Variants in ZNF385B observed in about 807,000 individuals in gnomAD.
The protein encoded by ZNF385B is zinc finger protein 533.
A neutral mutation model predicts 39.2 loss-of-function variants in ZNF385B; 23 were observed. The observed-to-expected ratio is 0.59, with a 90% CI of 0.42 to 0.83. The LOEUF (loss-of-function observed/expected upper bound fraction) is 0.83. ZNF385B is among the 40% of genes least tolerant of loss of function. The pLI, the probability that ZNF385B is intolerant of heterozygous loss-of-function variation, is 0.00. For synonymous variants in ZNF385B, 205 were observed against 222.6 expected (o/e 0.92, Z 0.70); for missense variants, 552 against 598.9 (o/e 0.92, Z 0.82).
intron 6 of ZNF385B, among the ~76,000 whole-genome samples, chr2:179,465,940 T>C (rs1013668288): frequency 3.9e-5 from 6 of 152,170 alleles, no homozygotes; most frequent in African/African-American, 9.7e-5. Context: ...AGGTGAGCAA[T>C]ACGTTTGCTG....
chr2:179,825,976 G>A (rs1027538353), intron 1 of ZNF385B, among the ~76,000 whole-genome samples: 3 of 152,006 alleles, frequency 2.0e-5, no homozygotes, highest in Non-Finnish European at 4.4e-5. Context: ...TCCTCAGCTC[G>A]GCAGCTTTAT....
At chr2:179,604,830 T>C (rs1387244592) in intron 3 of ZNF385B, among the ~76,000 whole-genome samples, 1 of 152,132 alleles carries the variant, frequency 6.6e-6, no homozygotes, top group Non-Finnish European at 1.5e-5. Flanking sequence ...CATTTACAAT[T>C]GTGAAATGTC....
intron 1 of ZNF385B, among the ~76,000 whole-genome samples, chr2:179,845,281 T>C (rs1386751723): frequency 1.3e-5 from 2 of 152,080 alleles, no homozygotes; most frequent in Non-Finnish European, 1.5e-5. Flanking sequence ...CTGGGTGCAA[T>C]ACAATAAATT....
chr2:179,654,606 T>C (rs1693547434), intron 3 of ZNF385B, among the ~76,000 whole-genome samples: 1 of 152,232 alleles, frequency 6.6e-6, no homozygotes, highest in South Asian at 2.1e-4. Flanking sequence ...CATGATACTT[T>C]AGTTCCAAGT....
At chr2:179,502,341 G>T (rs942125462) in intron 5 of ZNF385B, among the ~76,000 whole-genome samples, 1 of 152,154 alleles carries the variant, frequency 6.6e-6, no homozygotes, top group Non-Finnish European at 1.5e-5. Flanking sequence ...GCAGAGGCCA[G>T]GGGAGGAATA....
At chr2:179,619,563 A>T (rs1375167143) in intron 3 of ZNF385B, among the ~76,000 whole-genome samples, 2 of 152,228 alleles carry the variant, frequency 1.3e-5, no homozygotes, top group East Asian at 3.9e-4. Flanking sequence ...TGAAAAAGAA[A>T]CAGTGATACT....
chr2:179,692,410 C>T (rs1407888037), intron 3 of ZNF385B, among the ~76,000 whole-genome samples: 1 of 152,180 alleles, frequency 6.6e-6, no homozygotes. Flanking sequence ...CTCCTCCATT[C>T]TCTACGTGGA....
At chr2:179,592,346 C>T (rs967040302) in intron 3 of ZNF385B, among the ~76,000 whole-genome samples, 5 of 152,188 alleles carry the variant, frequency 3.3e-5, no homozygotes, top group African/African-American at 1.2e-4. Flanking sequence ...AAGTATAGCA[C>T]TGACCACTGT....
chr2:179,562,376 G>T, intron 3 of ZNF385B: 1 of 984,736 alleles, frequency 1.0e-6, no homozygotes, highest in Non-Finnish European at 1.2e-6. Context: ...AGATGTAAAT[G>T]TGGGTCAGTT....
At chr2:179,843,000 C>T (rs951365102) in intron 1 of ZNF385B, among the ~76,000 whole-genome samples, 5 of 152,054 alleles carry the variant, frequency 3.3e-5, no homozygotes, top group African/African-American at 4.8e-5. Flanking sequence ...TAGGTGTCAC[C>T]GCCCCCACCC....
intron 3 of ZNF385B, among the ~76,000 whole-genome samples, chr2:179,677,284 C>G (rs887117998): frequency 6.6e-6 from 1 of 152,204 alleles, no homozygotes; most frequent in East Asian, 1.9e-4. Flanking sequence ...CCATCACACT[C>G]CAAGTTTCTG....
At chr2:179,572,889 T>C (rs1003454101) in intron 3 of ZNF385B, among the ~76,000 whole-genome samples, 1 of 152,172 alleles carries the variant, frequency 6.6e-6, no homozygotes, top group African/African-American at 2.4e-5. Context: ...CAGCCATGAA[T>C]AAAGGGAATT....
chr2:179,573,346 GA>G (rs1465719493), intron 3 of ZNF385B, among the ~76,000 whole-genome samples: 1 of 151,942 alleles, frequency 6.6e-6, no homozygotes, highest in East Asian at 1.9e-4. Flanking sequence ...TGGATGAAAG[GA>G]ATAGTATAAT....
At chr2:179,794,838 A>C (rs1705557209) in intron 1 of ZNF385B, among the ~76,000 whole-genome samples, 1 of 152,150 alleles carries the variant, frequency 6.6e-6, no homozygotes, top group South Asian at 2.1e-4. Flanking sequence ...TAGGTATTAA[A>C]GAGAAGAAAT....
intron 3 of ZNF385B, among the ~76,000 whole-genome samples, chr2:179,677,727 T>G (rs2106318717): frequency 6.6e-6 from 1 of 152,312 alleles, no homozygotes; most frequent in South Asian, 2.1e-4. Context: ...ATGCCTTCAT[T>G]TATATGTTTA....
chr2:179,681,604 C>A (rs1697520033), intron 3 of ZNF385B, among the ~76,000 whole-genome samples: 1 of 152,068 alleles, frequency 6.6e-6, no homozygotes, highest in Non-Finnish European at 1.5e-5. Flanking sequence ...TTCTAATAAC[C>A]CCCAGGTATT....
chr2:179,673,280 T>C (rs1189537022), intron 3 of ZNF385B, among the ~76,000 whole-genome samples: 1 of 152,152 alleles, frequency 6.6e-6, no homozygotes, highest in Non-Finnish European at 1.5e-5. Context: ...TGGCTTGAAG[T>C]TCCCACAGAG....
intron 1 of ZNF385B, among the ~76,000 whole-genome samples, chr2:179,796,573 G>A (rs907558756): frequency 3.9e-5 from 6 of 152,166 alleles, no homozygotes; most frequent in African/African-American, 1.4e-4. Context: ...CCATCTTGTG[G>A]GGAAGGGAAA....
At chr2:179,467,473 A>G (rs1251337063) in intron 6 of ZNF385B, among the ~76,000 whole-genome samples, 1 of 152,244 alleles carries the variant, frequency 6.6e-6, no homozygotes, top group Non-Finnish European at 1.5e-5. Context: ...AAAACAGAAT[A>G]CTTAAGTCAT....
Sources: allele counts gnomAD v4.1 joint callset (sites outside exome capture counted in the v4.1 genomes callset), GRCh38; gene constraint gnomAD v4.1.1; transcripts MANE v1.5; gene names NCBI Gene and HGNC (gene_info 2026-07-23, HGNC 2026-07-21).